TGFBR3: variants seen among roughly 807,000 people sequenced by gnomAD.
The protein encoded by TGFBR3 is transforming growth factor beta receptor type 3.
Under a neutral mutation model 87.9 loss-of-function variants are expected in TGFBR3, and 46 were observed. That is an observed-to-expected ratio of 0.52 (90% CI 0.41 to 0.67). TGFBR3 has a LOEUF of 0.67. Ranked by LOEUF, TGFBR3 falls within the 30% of genes least tolerant of loss-of-function variation. The pLI, the probability that TGFBR3 is intolerant of heterozygous loss-of-function variation, is 0.00. For missense variants in TGFBR3, 866 were observed against 1,041.9 expected, an observed-to-expected ratio of 0.83 and a Z score of 2.32; for synonymous variants, 381 against 391.6, an observed-to-expected ratio of 0.97 and a Z score of 0.32.
chr1:91,726,558 C>T (rs1053638014), intron 7 of TGFBR3, among the ~76,000 whole-genome samples: 1 of 150,278 alleles, frequency 6.7e-6, no homozygotes, highest in African/African-American at 2.4e-5. Context: ...GAACCAGAAA[C>T]GATTACTTTA....
At chr1:91,767,284 C>G (rs1412923935) in intron 3 of TGFBR3, among the ~76,000 whole-genome samples, 1 of 133,966 alleles carries the variant, frequency 7.5e-6, no homozygotes, top group East Asian at 2.0e-4. Flanking sequence ...TTCCCCTGGG[C>G]TAAAGTACAA....
intron 1 of TGFBR3, among the ~76,000 whole-genome samples, chr1:91,868,433 G>C (rs945118971): frequency 1.3e-5 from 2 of 152,070 alleles, no homozygotes; most frequent in African/African-American, 2.4e-5. Flanking sequence ...TTCCATACAA[G>C]GTATGGGTTC....
At chr1:91,697,817 TTAC>T (rs1671483389) in intron 15 of TGFBR3, among the ~76,000 whole-genome samples, 1 of 152,186 alleles carries the variant, frequency 6.6e-6, no homozygotes, top group Admixed American at 6.5e-5. Flanking sequence ...TCTAAATAAG[TTAC>T]TACCTTCCCA....
At chr1:91,716,131 G>T in intron 12 of TGFBR3, 105 bp downstream of exon 12, 1 of 1,391,928 alleles carries the variant, frequency 7.2e-7, no homozygotes, top group Non-Finnish European at 1.0e-6. Context: ...TTGAAGGTCT[G>T]TGAGGTAGGA....
intron 1 of TGFBR3, among the ~76,000 whole-genome samples, chr1:91,884,630 T>A (rs1386854156): frequency 6.6e-6 from 1 of 152,226 alleles, no homozygotes; most frequent in Non-Finnish European, 1.5e-5. Flanking sequence ...TTATGTATGA[T>A]CTTGGACAAG....
intron 3 of TGFBR3, among the ~76,000 whole-genome samples, chr1:91,783,025 T>G (rs576772954): frequency 6.6e-6 from 1 of 152,194 alleles, no homozygotes; most frequent in Admixed American, 6.5e-5. Context: ...TGTGTACACA[T>G]GTATCAACAA....
chr1:91,793,019 G>C (rs764175054), intron 3 of TGFBR3, among the ~76,000 whole-genome samples: 2 of 152,178 alleles, frequency 1.3e-5, no homozygotes, highest in Non-Finnish European at 2.9e-5. Context: ...CAGGGAGGCC[G>C]ATGACAAAAC....
chr1:91,893,688 GT>G (rs149619572), intron 2 of TGFBR3, among the ~76,000 whole-genome samples: 74 of 147,714 alleles, frequency 5.0e-4, no homozygotes, highest in Admixed American at 1.6e-3. Flanking sequence ...CTTTTATCCT[GT>G]TTTTTTTTTC....
intron 2 of TGFBR3, among the ~76,000 whole-genome samples, chr1:91,840,751 A>G (rs1264282157): frequency 6.6e-6 from 1 of 152,080 alleles, no homozygotes; most frequent in African/African-American, 2.4e-5. Flanking sequence ...GAAAAACGAA[A>G]TTTTATTATT....
intron 15 of TGFBR3, among the ~76,000 whole-genome samples, chr1:91,697,603 T>C (rs1345713137): frequency 1.3e-5 from 2 of 152,262 alleles, no homozygotes; most frequent in Non-Finnish European, 2.9e-5. Flanking sequence ...TGTTGCTTTC[T>C]CTTTCATTCT....
At chr1:91,817,122 T>C (rs778595218) in intron 2 of TGFBR3, among the ~76,000 whole-genome samples, 1 of 152,346 alleles carries the variant, frequency 6.6e-6, no homozygotes, top group African/African-American at 2.4e-5. Context: ...CTTGAAACTC[T>C]GTGTTAGGCT....
At chr1:91,844,165 C>T (rs1677392206) in intron 2 of TGFBR3, among the ~76,000 whole-genome samples, 1 of 152,226 alleles carries the variant, frequency 6.6e-6, no homozygotes, top group Non-Finnish European at 1.5e-5. Flanking sequence ...ACATATCTCA[C>T]AGTACACACT....
chr1:91,756,459 C>T (rs1673747876), intron 4 of TGFBR3, among the ~76,000 whole-genome samples: 1 of 152,016 alleles, frequency 6.6e-6, no homozygotes, highest in Non-Finnish European at 1.5e-5. Context: ...TGTGATTTGG[C>T]CCACTACTTA....
intron 2 of TGFBR3, among the ~76,000 whole-genome samples, chr1:91,893,331 C>A (rs1233783350): frequency 6.6e-6 from 1 of 151,870 alleles, no homozygotes; most frequent in Non-Finnish European, 1.5e-5. Flanking sequence ...TGTCGCCAGG[C>A]TACAGTACAG....
At chr1:91,707,757 A>C (rs992893013) in intron 14 of TGFBR3, among the ~76,000 whole-genome samples, 1 of 152,158 alleles carries the variant, frequency 6.6e-6, no homozygotes, top group African/African-American at 2.4e-5. Flanking sequence ...TTAGATATCA[A>C]TGTTACTAGA....
At chr1:91,684,957 C>A (rs544497895) in intron 16 of TGFBR3, among the ~76,000 whole-genome samples, 1 of 152,308 alleles carries the variant, frequency 6.6e-6, no homozygotes, top group East Asian at 1.9e-4. Flanking sequence ...CGGAGATAAG[C>A]AACCCTTCCA....
chr1:91,838,671 G>C (rs1237582420), intron 2 of TGFBR3, among the ~76,000 whole-genome samples: 2 of 147,412 alleles, frequency 1.4e-5, no homozygotes, highest in Non-Finnish European at 1.5e-5. Flanking sequence ...GGGTTTCACC[G>C]CGTTAGCCAG....
In TGFBR3 at chr1:91,683,686, T is replaced by TAGATA; in HGVS notation, c.*52_*53insTATCT. On this transcript the variant is annotated 3_prime_UTR_variant, in exon 17 of 17. Transcript: ENST00000212355. Reference sequence around the variant, plus strand: ...CAGCCATTGGTCCTGCCCTTGGCAGTAGCTGAGCTGAGCTGGGCTGGGCTG... The same window carrying TAGATA: ...CAGCCATTGGTCCTGCCCTTGGCAGTAGATAAGCTGAGCTGAGCTGGGCTGGGCTG... 1.4e-6 allele frequency: 2 copies of TAGATA among 1,442,808 alleles called. No homozygotes were observed. Among genetic ancestry groups the TAGATA allele is most frequent in the Non-Finnish European group, 1.9e-6 (2 of 1,064,636 alleles). 89.4% of individuals were successfully genotyped at this position (1,442,808 alleles called of 1,614,324 possible). A position where few individuals can be genotyped will look rare whatever the true frequency, so the allele number is the denominator to read the frequency against.
At chr1:91,805,228 G>A (rs1209956058) in intron 2 of TGFBR3, among the ~76,000 whole-genome samples, 1 of 152,208 alleles carries the variant, frequency 6.6e-6, no homozygotes, top group East Asian at 1.9e-4. Context: ...GGATATTTCA[G>A]TTCATTCTGG....
Sources: gnomAD v4.1 joint callset for allele counts (sites outside exome capture counted in the v4.1 genomes callset) on GRCh38, gnomAD v4.1.1 for gene constraint, MANE v1.5 for transcripts, NCBI Gene and HGNC (gene_info 2026-07-23, HGNC 2026-07-21) for gene names.